Variants in PRH1 observed in about 807,000 individuals in gnomAD.
PRH1 encodes salivary acidic proline-rich phosphoprotein 1/2.
PRH1 carries 7 observed loss-of-function variants against 7.9 expected under a neutral mutation model. That is an observed-to-expected ratio of 0.89 (90% CI 0.50 to 1.67). The LOEUF (loss-of-function observed/expected upper bound fraction) is 1.67, where lower values mean the gene tolerates loss of function less well. PRH1 is among the 40% of genes most tolerant of loss of function. The pLI is 0.00. For missense variants in PRH1, 109 were observed against 223.6 expected (o/e 0.49, Z 3.27); for synonymous variants, 45 against 80.8 (o/e 0.56, Z 2.38).
rs556572671 is a variant in PRH1 at position 10,928,863 on chromosome 12, CCT to C, written c.-58-44590_-58-44589del. On this transcript the variant is annotated intron_variant, in intron 2 of 3. Transcript: ENST00000539853. ...TAGCTGTAGGATTGCTGCCCAACCC[CCT>C]GACACACCCACACAAACTCACATAC... Among the ~76,000 whole-genome samples, 368 of 152,318 alleles carry C rather than the reference CCT, an allele frequency of 2.4e-3. 1 individual carries two copies. Among genetic ancestry groups the C allele is most frequent in the African/African-American group, 8.3e-3 (346 of 41,578 alleles).
At chr12:11,040,366 C>G (rs922473883) in intron 1 of PRH1, among the ~76,000 whole-genome samples, 1 of 152,218 alleles carries the variant, frequency 6.6e-6, no homozygotes, top group East Asian at 1.9e-4. Flanking sequence ...TATAACTACT[C>G]TGTGCCTCAG....
At chr12:11,070,673 G>A (rs1273934035) in intron 1 of PRH1, among the ~76,000 whole-genome samples, 2 of 152,130 alleles carry the variant, frequency 1.3e-5, no homozygotes, top group African/African-American at 2.4e-5. Context: ...AAGACTTGAC[G>A]TTGCTGCAGA....
intron 1 of PRH1, among the ~76,000 whole-genome samples, chr12:10,993,316 T>C (rs1344212770): frequency 6.6e-6 from 1 of 152,200 alleles, no homozygotes; most frequent in African/African-American, 2.4e-5. Context: ...ACGTCACTTC[T>C]GTTTTCAGTT....
Position 11,075,594 on chromosome 12 carries a change from C to T in PRH1, n.124-28406G>A, listed in dbSNP as rs546101158. ...TGAACCTGGCCCTGTGCAAATATACCAGAATCCTTTATATGCTTTTCAAAA... is the reference window on the plus strand; with the variant it reads ...TGAACCTGGCCCTGTGCAAATATACTAGAATCCTTTATATGCTTTTCAAAA... On this transcript the variant is annotated intron_variant and non_coding_transcript_variant, in intron 1 of 4. Coordinates refer to the PRH1 transcript ENST00000541977. 7.0e-5 allele frequency among the ~76,000 whole-genome samples: 8 copies of T among 114,788 alleles called. 2 individuals are homozygous for T. In the East Asian group the frequency reaches 1.5e-3, roughly 21 times the overall value. 75.3% of individuals were successfully genotyped at this position (114,788 alleles called of 152,430 possible).
chr12:10,941,079 G>A (rs755109236), intron 2 of PRH1, among the ~76,000 whole-genome samples: 7 of 152,072 alleles, frequency 4.6e-5, no homozygotes, highest in Admixed American at 2.0e-4. Context: ...CTATATCCAG[G>A]CAATAAAGAT....
At chr12:10,954,089 C>T (rs188824205) in intron 2 of PRH1, among the ~76,000 whole-genome samples, 165 of 152,308 alleles carry the variant, frequency 1.1e-3, no homozygotes, top group Non-Finnish European at 1.5e-3. Flanking sequence ...ACCAGACCCA[C>T]CTCACAAGAG....
At chr12:10,938,885 A>C (rs749499243) in intron 2 of PRH1, 1 of 1,613,990 alleles carries the variant, frequency 6.2e-7, no homozygotes, top group South Asian at 1.1e-5. Context: ...TATCTTGAGA[A>C]AATAAAAAGT....
chr12:11,022,255 C>CA, intron 1 of PRH1: 1 of 1,555,298 alleles, frequency 6.4e-7, no homozygotes, highest in South Asian at 1.1e-5. Flanking sequence ...CTTGAGCAAA[C>CA]AAAATATGCT....
intron 2 of PRH1, among the ~76,000 whole-genome samples, chr12:10,897,948 G>C (rs1949672203): frequency 6.6e-6 from 1 of 152,156 alleles, no homozygotes; most frequent in Non-Finnish European, 1.5e-5. Flanking sequence ...AAGTTTCTGG[G>C]TGATTTTATT....
intron 1 of PRH1, among the ~76,000 whole-genome samples, chr12:11,146,760 C>T (rs34327967): frequency 0.46 from 69,166 of 151,966 alleles, 16,540 homozygotes; most frequent in Non-Finnish European, 0.53. Flanking sequence ...AAGTTACACA[C>T]TGATTTTCCT....
chr12:11,062,399 T>C, intron 1 of PRH1: 1 of 1,317,522 alleles, frequency 7.6e-7, no homozygotes, highest in Middle Eastern at 1.9e-4. Context: ...GATTTGTGTA[T>C]GTGCTGTGAC....
At chr12:10,929,781 G>A (rs1271155559) in intron 2 of PRH1, among the ~76,000 whole-genome samples, 3 of 152,170 alleles carry the variant, frequency 2.0e-5, no homozygotes, top group Admixed American at 2.0e-4. Context: ...ACTTGCCTCT[G>A]TCTACATAGA....
At chr12:10,981,946 C>T (rs181683053) in intron 1 of PRH1, among the ~76,000 whole-genome samples, 59 of 151,510 alleles carry the variant, frequency 3.9e-4, no homozygotes, top group African/African-American at 1.3e-3. Context: ...CCTCCCACTT[C>T]GGCCTCCTAA....
intron 1 of PRH1, among the ~76,000 whole-genome samples, chr12:11,147,165 A>C (rs1203956711): frequency 6.6e-6 from 1 of 151,632 alleles, no homozygotes; most frequent in Non-Finnish European, 1.5e-5. Flanking sequence ...TATAATACTC[A>C]GTTTATCTAT....
chr12:11,091,567 G>T lies in PRH1; in HGVS notation n.124-44379C>A, dbSNP rs35720106. On this transcript the variant is annotated intron_variant and non_coding_transcript_variant, in intron 1 of 4. Coordinates refer to the PRH1 transcript ENST00000541977. ...TTTGCAAAGCTTTTATGTGGACCTT[G>T]GTGCTGGGATCTTGAGATCCTTTAC... The T allele has an allele frequency of 2.2e-6, 3 of 1,374,826 alleles. No homozygotes were observed. In the East Asian group the frequency reaches 7.1e-5, roughly 32 times the overall value. 85.2% of individuals were successfully genotyped at this position (1,374,826 alleles called of 1,614,324 possible). A position where few individuals can be genotyped will look rare whatever the true frequency, so the allele number is the denominator to read the frequency against.
chr12:10,991,771 T>C (rs1414454999), intron 1 of PRH1, among the ~76,000 whole-genome samples: 1 of 152,122 alleles, frequency 6.6e-6, no homozygotes, highest in African/African-American at 2.4e-5. Context: ...GAGGAAGAAC[T>C]AGCAAAGGAG....
chr12:10,932,665 G>C (rs546808824), intron 2 of PRH1, among the ~76,000 whole-genome samples: 1 of 152,244 alleles, frequency 6.6e-6, no homozygotes, highest in East Asian at 1.9e-4. Flanking sequence ...AGGAAAGTGA[G>C]TATGGTTCTA....
chr12:11,139,054 T>G (rs552786600), intron 1 of PRH1, among the ~76,000 whole-genome samples: 44 of 152,256 alleles, frequency 2.9e-4, no homozygotes, highest in African/African-American at 1.0e-3. Context: ...TAAAAAAAGT[T>G]TTAAATTTTA....
At chr12:11,114,600 C>T (rs957451723) in intron 1 of PRH1, among the ~76,000 whole-genome samples, 1 of 151,874 alleles carries the variant, frequency 6.6e-6, no homozygotes, top group African/African-American at 2.4e-5. Flanking sequence ...ACATGTACAC[C>T]GATGTAACAA....
Sources: gnomAD v4.1 joint callset for allele counts (sites outside exome capture counted in the v4.1 genomes callset) on GRCh38, gnomAD v4.1.1 for gene constraint, MANE v1.5 for transcripts, NCBI Gene and HGNC (gene_info 2026-07-23, HGNC 2026-07-21) for gene names.